The following INPP4B variants were observed in gnomAD, a reference collection of about 807,000 sequenced individuals.
INPP4B encodes inositol polyphosphate 4-phosphatase type II.
Under a neutral mutation model 122.5 loss-of-function variants are expected in INPP4B, and 55 were observed. That is an observed-to-expected ratio of 0.45 (90% confidence interval 0.36 to 0.56). The LOEUF (loss-of-function observed/expected upper bound fraction) is 0.56. INPP4B is among the 20% of genes least tolerant of loss of function. The pLI, the probability that INPP4B is intolerant of heterozygous loss-of-function variation, is 0.00. For missense variants in INPP4B, 1,000 were observed against 1,097.7 expected (o/e 0.91, Z 1.26); for synonymous variants, 403 against 388.7 (o/e 1.04, Z -0.43).
At chr4:142,172,165 A>C (rs1465701622) in intron 16 of INPP4B, among the ~76,000 whole-genome samples, 1 of 151,928 alleles carries the variant, frequency 6.6e-6, no homozygotes, top group Non-Finnish European at 1.5e-5. Flanking sequence ...TTAAAAAAAA[A>C]CTTTTAAATA....
At chr4:142,119,420 C>T (rs1795436182) in intron 21 of INPP4B, among the ~76,000 whole-genome samples, 1 of 151,878 alleles carries the variant, frequency 6.6e-6, no homozygotes, top group Admixed American at 6.6e-5. Flanking sequence ...TGATAGAATG[C>T]ATTTAGAAAA....
At chr4:142,598,706 C>T (rs565992720) in intron 2 of INPP4B, among the ~76,000 whole-genome samples, 2 of 152,280 alleles carry the variant, frequency 1.3e-5, no homozygotes, top group East Asian at 1.9e-4. Flanking sequence ...GACAAGCAAC[C>T]CCAACCTCAG....
intron 7 of INPP4B, among the ~76,000 whole-genome samples, chr4:142,335,276 A>G (rs978612142): frequency 5.9e-5 from 9 of 152,120 alleles, no homozygotes; most frequent in African/African-American, 2.2e-4. Flanking sequence ...CAACAACAAC[A>G]ACAAAAATCT....
intron 18 of INPP4B, among the ~76,000 whole-genome samples, chr4:142,144,245 ACACAC>A (rs1809450448): frequency 6.6e-6 from 1 of 151,500 alleles, no homozygotes; most frequent in Admixed American, 6.6e-5. Flanking sequence ...ACACACACAC[ACACAC>A]ACACACACAC....
At chr4:142,722,235 G>A (rs1764783458) in intron 2 of INPP4B, among the ~76,000 whole-genome samples, 1 of 152,136 alleles carries the variant, frequency 6.6e-6, no homozygotes, top group Non-Finnish European at 1.5e-5. Context: ...GGGAGAAAGG[G>A]AGTTGTAATA....
rs79632911 is a variant in INPP4B, at chr4:142,671,064, G to T, written c.-191+54775C>A. On this transcript the variant is annotated intron_variant, in intron 2 of 25. Coordinates refer to ENST00000262992, the MANE Select transcript of INPP4B (RefSeq NM_001101669.3). Reference sequence around the variant, plus strand: ...AACATTAAACTAGCTCTTAAATTTTGCCCAGTGTGGAAGATAATTATTTCT... The same window carrying T: ...AACATTAAACTAGCTCTTAAATTTTTCCCAGTGTGGAAGATAATTATTTCT... Among the ~76,000 whole-genome samples, 784 of 152,128 alleles carry T rather than the reference G, an allele frequency of 5.2e-3. 6 individuals are homozygous for T. The highest frequency in any genetic ancestry group is 0.017 in the African/African-American group (710 of 41,518).
chr4:142,707,475 T>G lies in INPP4B; in HGVS notation c.-191+18364A>C, dbSNP rs1397078538. 2.0e-5 allele frequency among the ~76,000 whole-genome samples: 3 copies of G among 152,208 alleles called. No individual in the cohort carries two copies. In the East Asian group the frequency reaches 5.8e-4, roughly 29 times the overall value. On this transcript the variant is annotated intron_variant, in intron 2 of 25. Coordinates refer to ENST00000262992, the MANE Select transcript of INPP4B (RefSeq NM_001101669.3). ...GAAGAGGGGCCTGGTGGGATGTGAT[T>G]GGATCATGAGGGTGGACTTCCCCCT... is the stretch of plus-strand genomic sequence containing the variant.
intron 2 of INPP4B, among the ~76,000 whole-genome samples, chr4:142,649,489 G>A (rs115200082): frequency 0.012 from 1,763 of 152,278 alleles, 32 homozygotes; most frequent in African/African-American, 0.032. Flanking sequence ...AGGTTATATG[G>A]AAGGCTAACT....
At chr4:142,098,543 G>T (rs1273569889) in intron 23 of INPP4B, among the ~76,000 whole-genome samples, 2 of 152,082 alleles carry the variant, frequency 1.3e-5, no homozygotes, top group Non-Finnish European at 1.5e-5. Context: ...GGTAAGAAGG[G>T]TTTTGCACAG....
Position 142,369,576 on chromosome 4 carries a change from C to T in INPP4B, c.372+33362G>A, listed in dbSNP as rs565976333. On this transcript the variant is annotated intron_variant, in intron 7 of 25. Coordinates refer to ENST00000262992, the MANE Select transcript of INPP4B (RefSeq NM_001101669.3). Reference sequence around the variant, plus strand: ...TGGGTGACAGAATGAGACCCTGTCTCGAAAATTAAAAAAATAAATAAATAA... The same window carrying T: ...TGGGTGACAGAATGAGACCCTGTCTTGAAAATTAAAAAAATAAATAAATAA... Among the ~76,000 whole-genome samples, 5 of 130,748 alleles carry T rather than the reference C, an allele frequency of 3.8e-5. No individual in the cohort carries two copies. In the East Asian group the frequency reaches 1.1e-3, roughly 29 times the overall value. 85.8% of individuals were successfully genotyped at this position (130,748 alleles called of 152,430 possible). A position where few individuals can be genotyped will look rare whatever the true frequency, so the allele number is the denominator to read the frequency against.
intron 2 of INPP4B, among the ~76,000 whole-genome samples, chr4:142,648,585 A>G (rs1752300738): frequency 6.6e-6 from 1 of 152,136 alleles, no homozygotes; most frequent in African/African-American, 2.4e-5. Flanking sequence ...GCAATATGAG[A>G]TGAAACTGCG....
chr4:142,668,857 G>C (rs1756549554), intron 2 of INPP4B, among the ~76,000 whole-genome samples: 1 of 151,494 alleles, frequency 6.6e-6, no homozygotes, highest in South Asian at 2.1e-4. Flanking sequence ...GACTATCCTG[G>C]CTAACATGGT....
intron 1 of INPP4B, among the ~76,000 whole-genome samples, chr4:142,782,160 G>A (rs1774948918): frequency 6.6e-6 from 1 of 151,740 alleles, no homozygotes; most frequent in African/African-American, 2.4e-5. Context: ...AGTCCCCAGA[G>A]TGTGATGTTC....
intron 7 of INPP4B, among the ~76,000 whole-genome samples, chr4:142,323,243 A>G (rs1336866700): frequency 3.3e-5 from 5 of 152,128 alleles, no homozygotes; most frequent in Non-Finnish European, 5.9e-5. Flanking sequence ...GAAATGCAGT[A>G]TCTCAGGCTT....
chr4:142,473,418 T>C (rs74996582), intron 2 of INPP4B: 4,161 of 152,486 alleles, frequency 0.027, 219 homozygotes, highest in African/African-American at 0.095. Flanking sequence ...CTCTTGGGGA[T>C]ACACACTGCC....
intron 11 of INPP4B, among the ~76,000 whole-genome samples, chr4:142,240,837 T>C (rs531951862): frequency 6.7e-4 from 102 of 152,284 alleles, no homozygotes; most frequent in African/African-American, 2.3e-3. Flanking sequence ...CATGCAGATT[T>C]GTTGCACTGG....
Position 142,122,160 on chromosome 4 carries a change from G to A in INPP4B, c.2103C>T (p.Ser701=). ...CTGTTATAACTGGCAACACATCATT[G>A]GATTTGGCTTCAATTATTTTAAATG... ...KVAFKIIEAK[S]NDVLPVITGR... Residue 701 remains serine, a synonymous_variant, in exon 21 of 26, where the codon TCC becomes TCT. Transcript: ENST00000262992. The A allele has an allele frequency of 6.2e-7, 1 of 1,611,230 alleles. No homozygotes were observed. Among genetic ancestry groups the A allele is most frequent in the Non-Finnish European group, 8.5e-7 (1 of 1,178,504 alleles).
chr4:142,835,994 G>A (rs976652898), intron 1 of INPP4B, among the ~76,000 whole-genome samples: 2 of 152,108 alleles, frequency 1.3e-5, no homozygotes. Context: ...TTTTTGAAGA[G>A]TGAAGCATGA....
intron 12 of INPP4B, among the ~76,000 whole-genome samples, chr4:142,215,309 C>T (rs1382624353): frequency 2.0e-5 from 3 of 152,026 alleles, no homozygotes; most frequent in Admixed American, 2.0e-4. Context: ...CAAACAGCAA[C>T]AAAAATAAAA....
Sources: allele counts gnomAD v4.1 joint callset (sites outside exome capture counted in the v4.1 genomes callset), GRCh38; gene constraint gnomAD v4.1.1; transcripts MANE v1.5; gene names NCBI Gene and HGNC (gene_info 2026-07-23, HGNC 2026-07-21).